Variants in RBFOX3 observed in about 807,000 individuals in gnomAD.
RBFOX3 encodes the protein RNA binding protein fox-1 homolog 3.
Under a neutral mutation model 48.7 loss-of-function variants are expected in RBFOX3, and 17 were observed. The ratio of observed to expected loss-of-function variants is 0.35; its 90% CI spans 0.24 to 0.52. The LOEUF (loss-of-function observed/expected upper bound fraction) is 0.52, where lower values mean the gene tolerates loss of function less well. RBFOX3 is among the 20% of genes least tolerant of loss of function. The pLI is 0.94. For missense variants in RBFOX3, 382 were observed against 497.5 expected, an observed-to-expected ratio of 0.77 and a Z score of 2.21; for synonymous variants, 212 against 209.5, an observed-to-expected ratio of 1.01 and a Z score of -0.10.
At chr17:79,118,198 G>C (rs1459056884) in intron 4 of RBFOX3, among the ~76,000 whole-genome samples, 1 of 152,070 alleles carries the variant, frequency 6.6e-6, no homozygotes, top group African/African-American at 2.4e-5. Flanking sequence ...CAGAAGTGCT[G>C]TCCTCCTCCC....
intron 2 of RBFOX3, among the ~76,000 whole-genome samples, chr17:79,442,778 G>T (rs2071412349): frequency 6.6e-6 from 1 of 151,926 alleles, no homozygotes; most frequent in Non-Finnish European, 1.5e-5. Context: ...GGGGTGAGGA[G>T]GGGAGAGAGG....
At chr17:79,333,870 C>G (rs1410358034) in intron 2 of RBFOX3, among the ~76,000 whole-genome samples, 1 of 152,128 alleles carries the variant, frequency 6.6e-6, no homozygotes, top group Non-Finnish European at 1.5e-5. Context: ...GAGGCATCAT[C>G]CTGGGACCTT....
Position 79,106,671 on chromosome 17 carries a change from C to G in RBFOX3, c.340G>C (p.Asp114His), listed in dbSNP as rs750643063. The stretch of plus-strand genomic sequence containing the variant: ...CTCACCCCGAACATTTGCCGCAAGT[C>G]GGGGTCCCTGAACCGGAAGGGGATG... The part of the protein sequence containing the change: ...SNIPFRFRDP[D>H]LRQMFGQFGK... Residue 114 changes from aspartate (D) to histidine (H), a missense_variant, in exon 6 of 15, where the codon GAC becomes CAC. By Grantham distance (81) the Asp-to-His change is moderately conservative (BLOSUM62 -1). Around this residue, in one of 3 missense-constraint regions of RBFOX3, gnomAD observed 49 missense variants for 110.7 expected, o/e 0.44. Coordinates refer to ENST00000693108, the MANE Select transcript of RBFOX3 (RefSeq NM_001350451.2). 6.7e-7 allele frequency: 1 copy of G among 1,483,944 alleles called. No individual in the cohort carries two copies. Among genetic ancestry groups the G allele is most frequent in the South Asian group, 1.4e-5 (1 of 74,028 alleles). 91.9% of individuals were successfully genotyped at this position (1,483,944 alleles called of 1,614,324 possible).
intron 4 of RBFOX3, among the ~76,000 whole-genome samples, chr17:79,137,582 C>T (rs540905866): frequency 3.9e-5 from 6 of 152,344 alleles, no homozygotes; most frequent in Middle Eastern, 3.4e-3. Context: ...CCCTCCACTG[C>T]CTGCCCCCCG....
chr17:79,362,416 T>C lies in RBFOX3; in HGVS notation c.-174-54592A>G, dbSNP rs982480846. On this transcript the variant is annotated intron_variant, in intron 2 of 14. Transcript: ENST00000693108. The surrounding 1 kb of genome is among the most constrained non-coding windows in gnomAD (Gnocchi z 4.2). ...CAAACAGAGCCCCAGCTCTGAGGCA[T>C]GGGGAGAGGATCACCCAGGGGACCA... Among the ~76,000 whole-genome samples, 4 of 131,246 alleles carry C rather than the reference T, an allele frequency of 3.0e-5. No individual in the cohort carries two copies. Among genetic ancestry groups the C allele is most frequent in the Non-Finnish European group, 6.4e-5 (4 of 62,330 alleles). The allele number at this position is 131,246 out of a possible 152,430, so 86.1% of individuals were successfully genotyped here.
intron 2 of RBFOX3, among the ~76,000 whole-genome samples, chr17:79,444,260 G>A (rs1309667244): frequency 2.6e-5 from 4 of 152,142 alleles, no homozygotes; most frequent in African/African-American, 9.7e-5. Context: ...GACCTCAGCT[G>A]GGGGACTGGG....
rs189434616 is a variant in RBFOX3, at chr17:79,159,404, C to T, written c.-33-43656G>A. On this transcript the variant is annotated intron_variant, in intron 4 of 14. Transcript: ENST00000693108. ...CTCTCCAAGAGCTCTGAGACCAATGCCCCCGGCTTAGCCCAAGCCGCACAG... is the reference window on the plus strand; with the variant it reads ...CTCTCCAAGAGCTCTGAGACCAATGTCCCCGGCTTAGCCCAAGCCGCACAG... Among the ~76,000 whole-genome samples, 846 of 152,240 alleles carry T rather than the reference C, an allele frequency of 5.6e-3. 7 individuals carry two copies. The highest frequency in any genetic ancestry group is 0.019 in the African/African-American group (809 of 41,534).
chr17:79,182,754 C>A (rs879733623), intron 4 of RBFOX3, among the ~76,000 whole-genome samples: 11 of 151,670 alleles, frequency 7.3e-5, no homozygotes, highest in Non-Finnish European at 8.9e-5. Flanking sequence ...CCTCGCCAGG[C>A]GGGTGGCCCA....
chr17:79,448,274 T>C (rs2072755933), intron 2 of RBFOX3, among the ~76,000 whole-genome samples: 1 of 152,120 alleles, frequency 6.6e-6, no homozygotes, highest in African/African-American at 2.4e-5. Context: ...TTGGACACTG[T>C]AGTAGGTTAA....
chr17:79,253,130 C>T (rs1046529075), intron 3 of RBFOX3, among the ~76,000 whole-genome samples: 1 of 152,130 alleles, frequency 6.6e-6, no homozygotes, highest in African/African-American at 2.4e-5. Context: ...TAGATCCTGG[C>T]GGCCGACAGA....
chr17:79,289,421 G>A (rs760414705), intron 3 of RBFOX3, among the ~76,000 whole-genome samples: 17 of 152,240 alleles, frequency 1.1e-4, no homozygotes, highest in Non-Finnish European at 2.1e-4. Context: ...GCCATCAGCA[G>A]CCACAGAAGG....
intron 2 of RBFOX3, among the ~76,000 whole-genome samples, chr17:79,340,341 A>T (rs1446364379): frequency 2.0e-5 from 3 of 151,336 alleles, no homozygotes; most frequent in Non-Finnish European, 4.4e-5. Context: ...TCTGAGCATG[A>T]TAGAATCTAT....
At position 79,444,349 on chromosome 17, in the gene RBFOX3, C is replaced by T. The variant is rs533073314; in HGVS notation, c.-175+38105G>A. On this transcript the variant is annotated intron_variant, in intron 2 of 14. Transcript: ENST00000693108. The stretch of plus-strand genomic sequence containing the variant: ...TCTGGCTCAGGTCCACTCTCAGGCA[C>T]CCTGAGCCCAGTGAGGTTGGAAGCA... Among the ~76,000 whole-genome samples the T allele has an allele frequency of 3.3e-5, 5 of 152,226 alleles. No individual in the cohort carries two copies. The South Asian group carries it at 6.2e-4, about 19-fold the overall frequency.
intron 3 of RBFOX3, among the ~76,000 whole-genome samples, chr17:79,251,113 T>C (rs1214202530): frequency 6.6e-6 from 1 of 152,090 alleles, no homozygotes; most frequent in Non-Finnish European, 1.5e-5. Flanking sequence ...TATCCCTGTT[T>C]CTGATGTGAG....
rs922432722 is a variant in RBFOX3 at position 79,567,475 on chromosome 17, G to A, written c.-320+43351C>T. On this transcript the variant is annotated intron_variant, in intron 1 of 14. Transcript: ENST00000693108. The stretch of plus-strand genomic sequence containing the variant: ...GCTGGGATTACAGGCGTGAGCCACC[G>A]CACCCAGCCAGGATTTACCTTTCTG... 1.1e-3 allele frequency among the ~76,000 whole-genome samples: 173 copies of A among 152,200 alleles called. 1 individual carries two copies. Among genetic ancestry groups the A allele is most frequent in the Admixed American group, 2.9e-3 (45 of 15,288 alleles).
chr17:79,354,686 G>A (rs2084627963), intron 2 of RBFOX3, among the ~76,000 whole-genome samples: 1 of 152,242 alleles, frequency 6.6e-6, no homozygotes, highest in Non-Finnish European at 1.5e-5. Flanking sequence ...GCAGCTGTGG[G>A]GGGAGAGGAG....
intron 9 of RBFOX3, 129 bp from the exon 10 acceptor site, chr17:79,097,874 G>A: frequency 7.3e-6 from 7 of 959,896 alleles, no homozygotes; most frequent in Middle Eastern, 2.1e-4. Context: ...CCCCGCGCCG[G>A]GCCCCCCTTT....
intron 2 of RBFOX3, among the ~76,000 whole-genome samples, chr17:79,442,236 A>AGGGG (rs1568257875): frequency 0.039 from 264 of 6,704 alleles, 105 homozygotes; most frequent in South Asian, 0.053. Flanking sequence ...AGAGAGAGAG[A>AGGGG]GAGAGAGAGA....
intron 3 of RBFOX3, among the ~76,000 whole-genome samples, chr17:79,300,871 T>C (rs2075205459): frequency 6.6e-6 from 1 of 152,162 alleles, no homozygotes; most frequent in African/African-American, 2.4e-5. Context: ...AAAATGGACA[T>C]TCCAGTGTTT....
Sources: allele counts gnomAD v4.1 joint callset (sites outside exome capture counted in the v4.1 genomes callset), GRCh38; gene constraint gnomAD v4.1.1; regional missense constraint gnomAD v4.1.1; non-coding constraint Gnocchi (gnomAD v3.1); transcripts MANE v1.5; gene names NCBI Gene and HGNC (gene_info 2026-07-23, HGNC 2026-07-21).